Variants in SUPT3H observed in about 807,000 individuals in gnomAD.
The protein encoded by SUPT3H is SPT3 homolog, SAGA and STAGA complex component, also known as transcription initiation protein SPT3 homolog.
SUPT3H carries 44 observed loss-of-function variants against 44.3 expected under a neutral mutation model. The observed-to-expected ratio is 0.99, with a 90% confidence interval of 0.78 to 1.28. SUPT3H has a LOEUF of 1.28. Among genes scored for constraint, SUPT3H ranks in the 50% most tolerant of loss-of-function variants. SUPT3H has a pLI of 0.00. For synonymous variants in SUPT3H, 124 were observed against 125.6 expected, an observed-to-expected ratio of 0.99 and a Z score of 0.09; for missense variants, 380 against 387.1, an observed-to-expected ratio of 0.98 and a Z score of 0.15.
intron 2 of SUPT3H, among the ~76,000 whole-genome samples, chr6:45,122,074 A>G (rs967005429): frequency 6.6e-6 from 1 of 152,112 alleles, no homozygotes; most frequent in South Asian, 2.1e-4. Flanking sequence ...AACAAATTGT[A>G]TTTTCTACAT....
intron 5 of SUPT3H, among the ~76,000 whole-genome samples, chr6:45,011,284 A>G (rs918054928): frequency 1.9e-4 from 29 of 152,122 alleles, no homozygotes; most frequent in African/African-American, 7.0e-4. Flanking sequence ...GGTGGAATTC[A>G]ACAGTGAAAT....
chr6:45,373,076 G>T (rs559145016), intron 1 of SUPT3H, among the ~76,000 whole-genome samples: 2 of 152,138 alleles, frequency 1.3e-5, no homozygotes, highest in South Asian at 4.2e-4. Flanking sequence ...CAAAGTGCTG[G>T]GATTACAGTT....
chr6:44,882,815 G>C (rs1296307955), intron 10 of SUPT3H, among the ~76,000 whole-genome samples: 1 of 152,102 alleles, frequency 6.6e-6, no homozygotes, highest in Non-Finnish European at 1.5e-5. Flanking sequence ...TGCAGAAAAG[G>C]CCTTCGATAA....
chr6:44,931,895 T>C (rs679713), intron 10 of SUPT3H, among the ~76,000 whole-genome samples: 92,022 of 152,050 alleles, frequency 0.61, 28,772 homozygotes, highest in African/African-American at 0.77. Context: ...ATGTTATACA[T>C]ATACATTTTC....
chr6:45,254,801 A>G (rs1165960419), intron 2 of SUPT3H, among the ~76,000 whole-genome samples: 2 of 152,206 alleles, frequency 1.3e-5, no homozygotes, highest in Non-Finnish European at 2.9e-5. Flanking sequence ...TCAAAACATT[A>G]AACAGAAAAT....
At chr6:45,068,184 A>G (rs1208962743) in intron 3 of SUPT3H, among the ~76,000 whole-genome samples, 1 of 150,300 alleles carries the variant, frequency 6.7e-6, no homozygotes, top group African/African-American at 2.5e-5. Flanking sequence ...GAAATTGGAA[A>G]TCATCATTCT....
At chr6:45,169,447 G>C (rs1030386585) in intron 2 of SUPT3H, among the ~76,000 whole-genome samples, 1 of 152,040 alleles carries the variant, frequency 6.6e-6, no homozygotes, top group Non-Finnish European at 1.5e-5. Context: ...ACTGTATGCA[G>C]CACTAGATGC....
At chr6:44,975,836 TA>T (rs1359680468) in intron 6 of SUPT3H, among the ~76,000 whole-genome samples, 1 of 151,744 alleles carries the variant, frequency 6.6e-6, no homozygotes, top group Non-Finnish European at 1.5e-5. Flanking sequence ...AGCTCATTAT[TA>T]AAAAAAAGAA....
At chr6:45,020,445 A>G (rs1562276828) in intron 4 of SUPT3H, 101 bp downstream of exon 4, 1 of 817,164 alleles carries the variant, frequency 1.2e-6, no homozygotes. Flanking sequence ...AATAGTTATT[A>G]TTTTAATTTG....
At chr6:45,167,422 A>T (rs1195566081) in intron 2 of SUPT3H, among the ~76,000 whole-genome samples, 1 of 152,346 alleles carries the variant, frequency 6.6e-6, no homozygotes, top group East Asian at 1.9e-4. Flanking sequence ...TAGAATTCTA[A>T]TCCCTATGTG....
chr6:45,342,871 C>T (rs1228411764), intron 2 of SUPT3H, among the ~76,000 whole-genome samples: 8 of 151,992 alleles, frequency 5.3e-5, no homozygotes, highest in Admixed American at 3.3e-4. Flanking sequence ...ATTTGTAAAT[C>T]GAAAAAGTAT....
intron 2 of SUPT3H, among the ~76,000 whole-genome samples, chr6:45,140,854 G>C (rs1275814867): frequency 6.6e-6 from 1 of 152,164 alleles, no homozygotes; most frequent in African/African-American, 2.4e-5. Context: ...GGAAAAAGGG[G>C]AGAGCACAAC....
intron 10 of SUPT3H, among the ~76,000 whole-genome samples, chr6:44,908,140 CTTTTT>C (rs983361285): frequency 6.7e-6 from 1 of 149,816 alleles, no homozygotes; most frequent in African/African-American, 2.4e-5. Context: ...TTAGAAATAA[CTTTTT>C]TTTCTTTTCT....
intron 2 of SUPT3H, among the ~76,000 whole-genome samples, chr6:45,245,856 A>G (rs1771245663): frequency 6.6e-6 from 1 of 152,174 alleles, no homozygotes; most frequent in African/African-American, 2.4e-5. Context: ...AAGAACCACT[A>G]TACCATTTTT....
At chr6:45,354,368 T>C (rs767898849) in intron 2 of SUPT3H, among the ~76,000 whole-genome samples, 4 of 152,120 alleles carry the variant, frequency 2.6e-5, no homozygotes, top group Non-Finnish European at 4.4e-5. Context: ...AAAAGCACAG[T>C]AATGACTAAA....
At chr6:45,096,416 T>C (rs968991176) in intron 3 of SUPT3H, among the ~76,000 whole-genome samples, 3 of 152,184 alleles carry the variant, frequency 2.0e-5, no homozygotes, top group African/African-American at 7.2e-5. Flanking sequence ...TAGTATATAA[T>C]CTACATGTAC....
chr6:45,190,872 A>G (rs1283283116), intron 2 of SUPT3H, among the ~76,000 whole-genome samples: 1 of 152,254 alleles, frequency 6.6e-6, no homozygotes, highest in East Asian at 1.9e-4. Flanking sequence ...TAAGACAACA[A>G]TGAGTTACAA....
chr6:45,019,707 C>G (rs1212571185), intron 4 of SUPT3H, among the ~76,000 whole-genome samples: 2 of 152,092 alleles, frequency 1.3e-5, no homozygotes, highest in African/African-American at 4.8e-5. Context: ...GTACCTAAGA[C>G]TGCCTCACCC....
chr6:45,173,641 C>G (rs1403330171), intron 2 of SUPT3H, among the ~76,000 whole-genome samples: 1 of 152,132 alleles, frequency 6.6e-6, no homozygotes, highest in East Asian at 1.9e-4. Context: ...TGGTTCTAAA[C>G]CAATAACTGT....
Sources: allele counts gnomAD v4.1 joint callset (sites outside exome capture counted in the v4.1 genomes callset), GRCh38; gene constraint gnomAD v4.1.1; transcripts MANE v1.5; gene names NCBI Gene and HGNC (gene_info 2026-07-23, HGNC 2026-07-21).